The following LRRK2 variants were observed in gnomAD, a reference collection of about 807,000 sequenced individuals.
LRRK2 encodes leucine-rich repeat serine/threonine-protein kinase 2.
In LRRK2, 203 loss-of-function variants were observed where a neutral mutation model predicts 302.6. The ratio of observed to expected loss-of-function variants is 0.67; its 90% CI spans 0.60 to 0.75. LRRK2 has a LOEUF of 0.75. LRRK2 is among the 30% of genes least tolerant of loss of function. The pLI is 0.00. For missense variants in LRRK2, 2,830 were observed against 2,951.0 expected, an observed-to-expected ratio of 0.96 and a Z score of 0.95; for synonymous variants, 1,066 against 1,031.9, an observed-to-expected ratio of 1.03 and a Z score of -0.63.
chr12:40,308,734 C>T, intron 29 of LRRK2, 38 bp downstream of exon 29: 2 of 1,581,038 alleles, frequency 1.3e-6, no homozygotes, highest in Non-Finnish European at 1.7e-6. Context: ...TCACTTTTAC[C>T]ATTTGTTTGG....
intron 50 of LRRK2, 35 bp from the exon 51 acceptor site, chr12:40,367,609 C>A (rs555475043): frequency 1.3e-6 from 2 of 1,587,402 alleles, no homozygotes; most frequent in East Asian, 4.5e-5. Context: ...TATGATGGAT[C>A]TTTGAAACAT....
intron 37 of LRRK2, 35 bp downstream of exon 37, chr12:40,322,545 T>G (rs756864272): frequency 6.4e-7 from 1 of 1,567,404 alleles, no homozygotes; most frequent in Non-Finnish European, 8.8e-7. Context: ...TGCTTTTAAG[T>G]GATCCTTCAA....
chr12:40,347,750 G>T (rs1322081640), intron 42 of LRRK2, among the ~76,000 whole-genome samples: 1 of 152,120 alleles, frequency 6.6e-6, no homozygotes, highest in Non-Finnish European at 1.5e-5. Flanking sequence ...ATCACTTGAG[G>T]CCAGGAGCTG....
chr12:40,232,771 A>G (rs1228506619), intron 3 of LRRK2: 1 of 167,962 alleles, frequency 6.0e-6, no homozygotes, highest in African/African-American at 2.4e-5. Flanking sequence ...TTCTGTAAGT[A>G]GTAATTTGAA....
At position 40,356,125 on chromosome 12, in the gene LRRK2, A is replaced by C. The variant is rs781166631; in HGVS notation, c.6781A>C (p.Asn2261His). 9 of 1,610,910 alleles carry C rather than the reference A, an allele frequency of 5.6e-6. No individual in the cohort carries two copies. In the South Asian group the frequency reaches 8.8e-5, roughly 16 times the overall value. The change falls in exon 46 of 51, where the codon AAT becomes CAT. Residue 2261 changes from asparagine (N) to histidine (H), a missense_variant. Asn to His is a moderately conservative substitution (Grantham distance 68). Coordinates refer to ENST00000298910, the MANE Select transcript of LRRK2 (RefSeq NM_198578.4). ...NSFSKQSKQK[N>H]FLLVGTADGK... is the part of the protein sequence containing the mutation. ...CATTTTTCCTTTTAGCAAACAAAAAAATTTTCTTTTGGTTGGAACCGCTGA... is the reference window on the plus strand; with the variant it reads ...CATTTTTCCTTTTAGCAAACAAAAACATTTTCTTTTGGTTGGAACCGCTGA...
At chr12:40,275,265 C>T (rs1943401029) in intron 16 of LRRK2, among the ~76,000 whole-genome samples, 1 of 152,158 alleles carries the variant, frequency 6.6e-6, no homozygotes, top group Admixed American at 6.5e-5. Context: ...TCCCAGCTAG[C>T]TGAGTTTATT....
chr12:40,235,546 G>A lies in LRRK2; in HGVS notation c.348-80G>A, dbSNP rs1312976124. ...AATACAATGAGAGTAATAAAAAATA[G>A]GTGAGCAAAAAAAATGCAAATAAGC... On this transcript the variant is annotated intron_variant, in intron 3 of 50. Transcript: ENST00000298910. 1.7e-5 allele frequency: 15 copies of A among 895,184 alleles called. No homozygotes were observed. In the Admixed American group the frequency reaches 2.6e-4, roughly 15 times the overall value. The allele number at this position is 895,184 out of a possible 1,614,324, so 55.5% of individuals were successfully genotyped here. A position where few individuals can be genotyped will look rare whatever the true frequency, so the allele number is the denominator to read the frequency against.
chr12:40,322,031 T>C lies in LRRK2; in HGVS notation c.5171-4T>C. 2 of 1,613,160 alleles carry C rather than the reference T, an allele frequency of 1.2e-6. No individual in the cohort carries two copies. The highest frequency in any genetic ancestry group is 1.7e-6 in the Non-Finnish European group (2 of 1,179,364). On this transcript the variant is annotated splice_region_variant and splice_polypyrimidine_tract_variant and intron_variant, in intron 35 of 50. Transcript: ENST00000298910. ...AGTTAATAATTAATGGCTCCATTTTTTAGAACGAGCACTTCGCCCAAACAG... is the reference window on the plus strand; with the variant it reads ...AGTTAATAATTAATGGCTCCATTTTCTAGAACGAGCACTTCGCCCAAACAG...
rs199915040 is a variant in LRRK2, at chr12:40,240,544, G to A, written c.633G>A (p.Ala211=). 2.1e-5 allele frequency: 34 copies of A among 1,612,300 alleles called. No individual in the cohort carries two copies. Among genetic ancestry groups the A allele is most frequent in the African/African-American group, 5.3e-5 (4 of 74,850 alleles). Reference sequence around the variant, plus strand: ...AAGATTATATGATATTGTTAAGTGCGTTAACAAATTTTAAAGATGAAGAGG... The same window carrying A: ...AAGATTATATGATATTGTTAAGTGCATTAACAAATTTTAAAGATGAAGAGG... The part of the protein sequence containing the change: ...ENKDYMILLS[A]LTNFKDEEEI... The change falls in exon 6 of 51, where the codon GCG becomes GCA. Residue 211 remains alanine (A), a synonymous_variant. Coordinates refer to ENST00000298910, the MANE Select transcript of LRRK2 (RefSeq NM_198578.4).
chr12:40,354,368 G>T lies in LRRK2; in HGVS notation c.6646G>T (p.Val2216Leu), dbSNP rs1294868103. ...HLPVEKESWI[V>L]SGTQSGTLLV... The stretch of plus-strand genomic sequence containing the variant: ...TCCTGTTGAAAAGGAAAGCTGGATT[G>T]TGTCTGGGACACAGTCTGGTACTCT... The change falls in exon 45 of 51, where the codon GTG becomes TTG. Residue 2216 changes from valine to leucine, a missense_variant. Val to Leu is a conservative substitution (Grantham distance 32). Around this residue, in one of 3 missense-constraint regions of LRRK2, gnomAD observed 456 missense variants for 456.3 expected, o/e 1.00. Coordinates refer to ENST00000298910, the MANE Select transcript of LRRK2 (RefSeq NM_198578.4). The T allele has an allele frequency of 1.2e-6, 2 of 1,614,118 alleles. No homozygotes were observed. Among genetic ancestry groups the T allele is most frequent in the Non-Finnish European group, 1.7e-6 (2 of 1,180,004 alleles).
At chr12:40,292,250 G>A (rs1406884917) in intron 20 of LRRK2, among the ~76,000 whole-genome samples, 9 of 151,902 alleles carry the variant, frequency 5.9e-5, no homozygotes, top group Admixed American at 4.6e-4. Flanking sequence ...CCCTTCTTTC[G>A]GGTATTACAT....
intron 20 of LRRK2, among the ~76,000 whole-genome samples, chr12:40,288,060 CAAT>C (rs1371248082): frequency 1.3e-5 from 2 of 151,800 alleles, no homozygotes; most frequent in East Asian, 3.9e-4. Flanking sequence ...TATATAATGA[CAAT>C]GATTAGGGCT....
chr12:40,363,936 A>C (rs1052527142), intron 48 of LRRK2, among the ~76,000 whole-genome samples: 1 of 151,914 alleles, frequency 6.6e-6, no homozygotes, highest in Non-Finnish European at 1.5e-5. Context: ...AAGAGTCACA[A>C]AATAATAGAC....
chr12:40,265,421 A>C (rs1268161081), intron 14 of LRRK2, among the ~76,000 whole-genome samples: 2 of 152,202 alleles, frequency 1.3e-5, no homozygotes, highest in Non-Finnish European at 2.9e-5. Flanking sequence ...AGTGAGGAAT[A>C]GACACTTATA....
chr12:40,272,971 A>T (rs866911574), intron 14 of LRRK2, among the ~76,000 whole-genome samples: 1 of 151,990 alleles, frequency 6.6e-6, no homozygotes. Context: ...CTTGTTTTTC[A>T]TCTCTGAGGA....
rs1420592804 is a variant in LRRK2 at position 40,295,445 on chromosome 12, C to G, written c.2897C>G (p.Ser966Cys). Reference protein sequence around the residue: ...DDSLRSSKLQSHMRHSDSISS... With the variant: ...DDSLRSSKLQCHMRHSDSISS... ...ACAAAAGGGTCATCAAAACTTCAAT[C>G]CCATATGAGGCATTCAGACAGCATT... is the stretch of plus-strand genomic sequence containing the variant. Residue 966 changes from serine (S) to cysteine (C), a missense_variant, in exon 23 of 51, where the codon TCC becomes TGC. Ser to Cys is a moderately radical substitution (Grantham distance 112). This residue lies in a region of LRRK2 where 2,121 missense variants were observed against 2,148.0 expected (regional missense o/e 0.99). Coordinates refer to ENST00000298910, the MANE Select transcript of LRRK2 (RefSeq NM_198578.4). 6.8e-6 allele frequency: 11 copies of G among 1,612,846 alleles called. No individual in the cohort carries two copies. Among genetic ancestry groups the G allele is most frequent in the Non-Finnish European group, 7.6e-6 (9 of 1,179,886 alleles).
chr12:40,309,325 A>G (rs2136820606), intron 30 of LRRK2, 92 bp downstream of exon 30: 2 of 1,474,376 alleles, frequency 1.4e-6, no homozygotes, highest in African/African-American at 1.4e-5. Flanking sequence ...TTTTGGGCAA[A>G]CAATTGCTTC....
At chr12:40,328,061 A>T (rs986266963) in intron 38 of LRRK2, among the ~76,000 whole-genome samples, 1 of 152,222 alleles carries the variant, frequency 6.6e-6, no homozygotes, top group Non-Finnish European at 1.5e-5. Flanking sequence ...GGAGGTGGCT[A>T]TAAGTGAAAA....
intron 31 of LRRK2, among the ~76,000 whole-genome samples, chr12:40,311,369 GA>G (rs1056233734): frequency 7.2e-5 from 11 of 151,842 alleles, no homozygotes; most frequent in Admixed American, 1.3e-4. Context: ...ATACTTGGCA[GA>G]AAAAAGAAAT....
Sources: gnomAD v4.1 joint callset for allele counts (sites outside exome capture counted in the v4.1 genomes callset) on GRCh38, gnomAD v4.1.1 for gene constraint, gnomAD v4.1.1 regional missense constraint, MANE v1.5 for transcripts, NCBI Gene and HGNC (gene_info 2026-07-23, HGNC 2026-07-21) for gene names.